The following MMP16 variants were observed in gnomAD, a reference collection of about 807,000 sequenced individuals.
MMP16 encodes matrix metallopeptidase 16.
MMP16 carries 12 observed loss-of-function variants against 67.8 expected under a neutral mutation model. That is an observed-to-expected ratio of 0.18 (90% CI 0.11 to 0.29). The LOEUF is 0.29. MMP16 is among the 10% of genes least tolerant of loss of function. The pLI is 1.00. For missense variants in MMP16, 475 were observed against 765.7 expected (o/e 0.62, Z 4.48); for synonymous variants, 249 against 255.9 (o/e 0.97, Z 0.26).
intron 1 of MMP16, among the ~76,000 whole-genome samples, chr8:88,198,923 T>C (rs1809298507): frequency 6.6e-6 from 1 of 152,058 alleles, no homozygotes; most frequent in Admixed American, 6.6e-5. Flanking sequence ...CAGTCTGAAG[T>C]AGACTCCACT....
chr8:88,231,338 C>G (rs1364055452), intron 1 of MMP16, among the ~76,000 whole-genome samples: 1 of 152,136 alleles, frequency 6.6e-6, no homozygotes, highest in Admixed American at 6.6e-5. Context: ...CAATAGATTT[C>G]TAGTGTGTGC....
At chr8:88,270,633 A>G (rs752693632) in intron 1 of MMP16, among the ~76,000 whole-genome samples, 15 of 152,220 alleles carry the variant, frequency 9.9e-5, no homozygotes, top group Non-Finnish European at 2.2e-4. Context: ...GAATTAATAA[A>G]TGCCTGGCCT....
At chr8:88,159,364 G>A (rs1030025929) in intron 4 of MMP16, among the ~76,000 whole-genome samples, 1 of 151,164 alleles carries the variant, frequency 6.6e-6, no homozygotes, top group Non-Finnish European at 1.5e-5. Flanking sequence ...TGTAGTTCTT[G>A]AAGAGGTCCT....
intron 1 of MMP16, among the ~76,000 whole-genome samples, chr8:88,198,299 G>A (rs1809288461): frequency 1.3e-5 from 2 of 152,040 alleles, no homozygotes; most frequent in Admixed American, 6.6e-5. Context: ...ATCTTCTATA[G>A]GGCTCTAAGA....
Position 88,327,228 on chromosome 8 carries a change from T to A in MMP16, c.-22A>T, listed in dbSNP as rs768666492. 6.2e-6 allele frequency: 10 copies of A among 1,613,376 alleles called. No individual in the cohort carries two copies. In the Admixed American group the frequency reaches 1.2e-4, roughly 19 times the overall value. ...TCATAGTGAACTGTGCTTCAATGGA[T>A]GGACGAGCTCCCCTTCGTTTTCTCC... On this transcript the variant is annotated 5_prime_UTR_variant, in exon 1 of 10. Coordinates refer to ENST00000286614, the MANE Select transcript of MMP16 (RefSeq NM_005941.5).
At chr8:88,159,960 ATTATT>A (rs969538018) in intron 4 of MMP16, among the ~76,000 whole-genome samples, 19 of 151,074 alleles carry the variant, frequency 1.3e-4, no homozygotes, top group East Asian at 7.8e-4. Context: ...TTTTTTTCAA[ATTATT>A]TTATTTTATT....
chr8:88,326,416 T>A (rs1230659208), intron 1 of MMP16, among the ~76,000 whole-genome samples: 1 of 151,934 alleles, frequency 6.6e-6, no homozygotes, highest in African/African-American at 2.4e-5. Context: ...AAAACACACC[T>A]CAAAACTATT....
At chr8:88,228,173 T>C (rs913068371) in intron 1 of MMP16, among the ~76,000 whole-genome samples, 5 of 152,108 alleles carry the variant, frequency 3.3e-5, no homozygotes, top group Admixed American at 6.6e-5. Context: ...ATGCTGCTAA[T>C]GGTATAAATT....
At position 88,041,348 on chromosome 8, in the gene MMP16, A is replaced by T; in HGVS notation, c.*113T>A. 9.1e-7 allele frequency: 1 copy of T among 1,104,552 alleles called. No individual in the cohort carries two copies. The highest frequency in any genetic ancestry group is 1.5e-5 in the South Asian group (1 of 65,838). 68.4% of individuals were successfully genotyped at this position (1,104,552 alleles called of 1,614,324 possible). A position where few individuals can be genotyped will look rare whatever the true frequency, so the allele number is the denominator to read the frequency against. On this transcript the variant is annotated 3_prime_UTR_variant, in exon 10 of 10. Transcript: ENST00000286614. The surrounding 1 kb of genome is among the most constrained non-coding windows in gnomAD (Gnocchi z 6.0). ...CTCTGGGTTTGAAAGGTCAGCCCCG[A>T]ATCAGGCTGCCACAAGCCTGCTCCT...
At chr8:88,163,213 G>T (rs1808659097) in intron 4 of MMP16, among the ~76,000 whole-genome samples, 1 of 152,058 alleles carries the variant, frequency 6.6e-6, no homozygotes, top group Non-Finnish European at 1.5e-5. Flanking sequence ...GTCAGCTTAA[G>T]TCCTGTCCGT....
intron 1 of MMP16, among the ~76,000 whole-genome samples, chr8:88,225,934 A>G: frequency 6.6e-6 from 1 of 151,954 alleles, no homozygotes; most frequent in Admixed American, 6.6e-5. Context: ...GTGTGAATGT[A>G]GAAATAGCGC....
chr8:88,310,445 T>C (rs1811277216), intron 1 of MMP16, among the ~76,000 whole-genome samples: 1 of 152,146 alleles, frequency 6.6e-6, no homozygotes, highest in Non-Finnish European at 1.5e-5. Flanking sequence ...CACCATACTG[T>C]CATCCAGTAT....
intron 1 of MMP16, among the ~76,000 whole-genome samples, chr8:88,263,286 G>A (rs1810419562): frequency 6.6e-6 from 1 of 151,988 alleles, no homozygotes; most frequent in Non-Finnish European, 1.5e-5. Context: ...TAGACATGCA[G>A]CTATACTGAT....
At chr8:88,103,083 C>T (rs2118384426) in intron 6 of MMP16, among the ~76,000 whole-genome samples, 1 of 151,950 alleles carries the variant, frequency 6.6e-6, no homozygotes. Context: ...ATCTTCATTT[C>T]TCAATCTCCT....
At chr8:88,284,553 A>G (rs1034198610) in intron 1 of MMP16, among the ~76,000 whole-genome samples, 1 of 151,900 alleles carries the variant, frequency 6.6e-6, no homozygotes, top group African/African-American at 2.4e-5. Context: ...TCTTTTCAAC[A>G]CAGCCTGTTG....
chr8:88,182,920 C>A (rs558685168), intron 3 of MMP16, among the ~76,000 whole-genome samples: 35 of 152,034 alleles, frequency 2.3e-4, no homozygotes, highest in African/African-American at 8.2e-4. Context: ...AGGAACCTTA[C>A]GAGCCTATTG....
chr8:88,143,008 G>C (rs1016453376), intron 4 of MMP16, among the ~76,000 whole-genome samples: 1 of 152,154 alleles, frequency 6.6e-6, no homozygotes, highest in African/African-American at 2.4e-5. Context: ...ATATATCAGA[G>C]TGGGTATCTG....
rs1383923911 is a variant in MMP16 at position 88,041,339 on chromosome 8, T to C, written c.*122A>G. 1.0e-6 allele frequency: 1 copy of C among 981,750 alleles called. No individual in the cohort carries two copies. Among genetic ancestry groups the C allele is most frequent in the East Asian group, 2.4e-5 (1 of 41,476 alleles). 60.8% of individuals were successfully genotyped at this position (981,750 alleles called of 1,614,324 possible). A position where few individuals can be genotyped will look rare whatever the true frequency, so the allele number is the denominator to read the frequency against. On this transcript the variant is annotated 3_prime_UTR_variant, in exon 10 of 10. Transcript: ENST00000286614. This position sits in a 1 kb window ranked among gnomAD's most constrained non-coding sequence, Gnocchi z 6.0. ...CCAGCAACCCTCTGGGTTTGAAAGG[T>C]CAGCCCCGAATCAGGCTGCCACAAG... is the stretch of plus-strand genomic sequence containing the variant.
intron 1 of MMP16, among the ~76,000 whole-genome samples, chr8:88,245,326 T>A (rs1163748989): frequency 6.6e-6 from 1 of 152,166 alleles, no homozygotes; most frequent in Non-Finnish European, 1.5e-5. Context: ...CTGAAAGGTA[T>A]AAGTATATGA....
Sources: gnomAD v4.1 joint callset for allele counts (sites outside exome capture counted in the v4.1 genomes callset) on GRCh38, gnomAD v4.1.1 for gene constraint, Gnocchi (gnomAD v3.1) non-coding constraint, MANE v1.5 for transcripts, NCBI Gene and HGNC (gene_info 2026-07-23, HGNC 2026-07-21) for gene names.